The following MYO9B variants were observed in gnomAD, a reference collection of about 807,000 sequenced individuals.
MYO9B encodes myosin IXB.
MYO9B carries 71 observed loss-of-function variants against 229.5 expected under a neutral mutation model. The observed-to-expected ratio is 0.31, with a 90% CI of 0.26 to 0.38. The LOEUF is 0.38. MYO9B is among the 10% of genes least tolerant of loss of function. MYO9B has a pLI of 1.00. For synonymous variants in MYO9B, 1,185 were observed against 1,235.8 expected, an observed-to-expected ratio of 0.96 and a Z score of 0.86; for missense variants, 2,255 against 2,920.5, an observed-to-expected ratio of 0.77 and a Z score of 5.25.
At chr19:17,087,085 T>A (rs565242105) in intron 1 of MYO9B, among the ~76,000 whole-genome samples, 29 of 152,256 alleles carry the variant, frequency 1.9e-4, no homozygotes, top group African/African-American at 6.7e-4. Flanking sequence ...GTGCCCAGCA[T>A]CAGCCTGGCC....
chr19:17,094,162 A>T lies in MYO9B; in HGVS notation c.-58-7498A>T, dbSNP rs565937598. On this transcript the variant is annotated intron_variant, in intron 1 of 39. Transcript: ENST00000682292. ...GGGATTCTCCTGCCTCAGCCTCCCG[A>T]GTAGCTGGGATTACAGGCATGCGCC... Among the ~76,000 whole-genome samples the T allele has an allele frequency of 1.5e-3, 227 of 152,132 alleles. 1 individual carries two copies. Among genetic ancestry groups the T allele is most frequent in the Admixed American group, 4.1e-3 (62 of 15,256 alleles).
intron 1 of MYO9B, among the ~76,000 whole-genome samples, chr19:17,083,964 A>G (rs1306805001): frequency 6.6e-6 from 1 of 152,018 alleles, no homozygotes; most frequent in Non-Finnish European, 1.5e-5. Flanking sequence ...ACATTTAAAT[A>G]CACAAAGTGA....
Position 17,211,778 on chromosome 19 carries a change from A to G in MYO9B, c.6058+4A>G. The G allele has an allele frequency of 1.2e-6, 2 of 1,612,936 alleles. No individual in the cohort carries two copies. ...GCCGGGCGGGGGGCCTCGGAAGGTCAGTATTAAGGTAGCGTCTGCTTTTCT... is the reference window on the plus strand; with the variant it reads ...GCCGGGCGGGGGGCCTCGGAAGGTCGGTATTAAGGTAGCGTCTGCTTTTCT... On this transcript the variant is annotated splice_donor_region_variant and intron_variant, in intron 39 of 39. Coordinates refer to ENST00000682292, the MANE Select transcript of MYO9B (RefSeq NM_004145.4).
intron 1 of MYO9B, among the ~76,000 whole-genome samples, chr19:17,086,209 G>A (rs2057581340): frequency 6.6e-6 from 1 of 152,162 alleles, no homozygotes; most frequent in Non-Finnish European, 1.5e-5. Flanking sequence ...CACATTTGCA[G>A]GGCCCTGGAA....
intron 2 of MYO9B, among the ~76,000 whole-genome samples, chr19:17,107,479 G>T (rs1234999821): frequency 6.6e-6 from 1 of 152,168 alleles, no homozygotes; most frequent in African/African-American, 2.4e-5. Context: ...ATCTCACTAG[G>T]ACCCTCCAGG....
intron 13 of MYO9B, among the ~76,000 whole-genome samples, chr19:17,175,448 A>G (rs1198832591): frequency 2.0e-5 from 3 of 151,930 alleles, no homozygotes; most frequent in Admixed American, 1.3e-4. Flanking sequence ...AGCTGGGCAC[A>G]GTGGCCTGTA....
At chr19:17,138,568 G>A (rs2072299874) in intron 2 of MYO9B, among the ~76,000 whole-genome samples, 1 of 151,986 alleles carries the variant, frequency 6.6e-6, no homozygotes, top group Admixed American at 6.6e-5. Context: ...CGTGACCACT[G>A]CGCCCAGCCA....
intron 2 of MYO9B, among the ~76,000 whole-genome samples, chr19:17,126,217 G>A (rs1396720673): frequency 6.6e-6 from 1 of 152,162 alleles, no homozygotes; most frequent in Non-Finnish European, 1.5e-5. Flanking sequence ...TCTGCTCCCA[G>A]CTCCCAGGGA....
At chr19:17,174,789 C>G (rs551733227) in intron 13 of MYO9B, among the ~76,000 whole-genome samples, 32 of 150,920 alleles carry the variant, frequency 2.1e-4, no homozygotes, top group Non-Finnish European at 2.1e-4. Context: ...AAAAAATTAG[C>G]CAGGTGCAGT....
intron 13 of MYO9B, among the ~76,000 whole-genome samples, chr19:17,175,391 C>A (rs2072775162): frequency 6.6e-6 from 1 of 151,948 alleles, no homozygotes; most frequent in Non-Finnish European, 1.5e-5. Context: ...TCAAGACCAG[C>A]CTGGCCAATA....
intron 14 of MYO9B, among the ~76,000 whole-genome samples, chr19:17,179,913 AT>A (rs1225014421): frequency 6.7e-6 from 1 of 149,788 alleles, no homozygotes; most frequent in African/African-American, 2.5e-5. Context: ...AAAAAATAAA[AT>A]AAAAATAAAA....
intron 14 of MYO9B, chr19:17,178,306 C>T (rs2072813718): frequency 6.6e-6 from 1 of 152,152 alleles, no homozygotes; most frequent in African/African-American, 2.4e-5. Flanking sequence ...AAAACATGTG[C>T]TTTGAACGAC....
intron 14 of MYO9B, among the ~76,000 whole-genome samples, chr19:17,179,357 A>G (rs2072828616): frequency 7.1e-6 from 1 of 140,030 alleles, no homozygotes; most frequent in South Asian, 2.5e-4. Context: ...TCATGGAGAG[A>G]GACTAATTTG....
chr19:17,180,027 G>T (rs546558833), intron 14 of MYO9B, among the ~76,000 whole-genome samples: 44 of 152,032 alleles, frequency 2.9e-4, no homozygotes, highest in African/African-American at 1.0e-3. Flanking sequence ...AAGGTCAGGA[G>T]TTCAAGACCT....
chr19:17,087,747 T>C (rs549176084), intron 1 of MYO9B, among the ~76,000 whole-genome samples: 31 of 152,162 alleles, frequency 2.0e-4, no homozygotes, highest in African/African-American at 7.0e-4. Flanking sequence ...CTGACTAATG[T>C]GGTGAAACCC....
intron 10 of MYO9B, among the ~76,000 whole-genome samples, chr19:17,163,330 C>T (rs974905411): frequency 1.3e-5 from 2 of 151,772 alleles, no homozygotes; most frequent in Admixed American, 6.6e-5. Context: ...AACACTCACT[C>T]CCCATTCCCC....
At chr19:17,125,309 C>CA (rs1555695571) in intron 2 of MYO9B, among the ~76,000 whole-genome samples, 15,670 of 120,132 alleles carry the variant, frequency 0.13, 1,349 homozygotes, top group African/African-American at 0.19. Context: ...CCCCCCCCCC[C>CA]AAAAAAAGGG....
intron 2 of MYO9B, among the ~76,000 whole-genome samples, chr19:17,110,803 C>T (rs2057840532): frequency 6.6e-6 from 1 of 152,070 alleles, no homozygotes; most frequent in African/African-American, 2.4e-5. Context: ...GAAGTTGTGC[C>T]GATGCCCAGG....
intron 1 of MYO9B, among the ~76,000 whole-genome samples, chr19:17,078,622 G>A (rs2057507696): frequency 6.6e-6 from 1 of 152,130 alleles, no homozygotes; most frequent in South Asian, 2.1e-4. Context: ...TATTATGGGG[G>A]GAGAATTAGG....
Sources: allele counts gnomAD v4.1 joint callset (sites outside exome capture counted in the v4.1 genomes callset), GRCh38; gene constraint gnomAD v4.1.1; transcripts MANE v1.5; gene names NCBI Gene and HGNC (gene_info 2026-07-23, HGNC 2026-07-21).